The following REEP5 variants were observed in gnomAD, a reference collection of about 807,000 sequenced individuals.
REEP5 encodes receptor expression-enhancing protein 5.
In REEP5, 24 loss-of-function variants were observed where a neutral mutation model predicts 22.4. That is an observed-to-expected ratio of 1.07 (90% CI 0.78 to 1.51). The LOEUF (loss-of-function observed/expected upper bound fraction) is 1.51. Ranked by LOEUF, REEP5 falls within the 40% of genes most tolerant of loss-of-function variation. The pLI, the probability that REEP5 is intolerant of heterozygous loss-of-function variation, is 0.00. For missense variants in REEP5, 252 were observed against 233.0 expected (o/e 1.08, Z -0.53); for synonymous variants, 103 against 88.6 (o/e 1.16, Z -0.92).
intron 2 of REEP5, among the ~76,000 whole-genome samples, chr5:112,909,133 C>T (rs1769035038): frequency 6.6e-6 from 1 of 151,042 alleles, no homozygotes; most frequent in African/African-American, 2.4e-5. Flanking sequence ...TGCAGCATTT[C>T]ACCACCCTTA....
chr5:112,899,768 G>A (rs975740123), intron 3 of REEP5, among the ~76,000 whole-genome samples: 2 of 152,140 alleles, frequency 1.3e-5, no homozygotes, highest in Non-Finnish European at 2.9e-5. Flanking sequence ...TATACCACTA[G>A]GCTGTTAAGT....
At chr5:112,902,768 C>A (rs1447649278) in intron 2 of REEP5, among the ~76,000 whole-genome samples, 1 of 152,180 alleles carries the variant, frequency 6.6e-6, no homozygotes, top group Non-Finnish European at 1.5e-5. Flanking sequence ...TGCCCTGGAT[C>A]TCCACCCTGC....
chr5:112,892,839 C>CGA, intron 3 of REEP5: 2 of 1,613,050 alleles, frequency 1.2e-6, no homozygotes, highest in East Asian at 4.5e-5. Flanking sequence ...ATGGGGAATC[C>CGA]GAGAGAAAAA....
At chr5:112,918,653 C>G (rs1021278701) in intron 2 of REEP5, among the ~76,000 whole-genome samples, 1 of 152,332 alleles carries the variant, frequency 6.6e-6, no homozygotes, top group Admixed American at 6.5e-5. Flanking sequence ...ATGTCACCCC[C>G]TATTTAAAAC....
At chr5:112,920,613 T>C (rs1769334123) in intron 2 of REEP5, among the ~76,000 whole-genome samples, 1 of 152,236 alleles carries the variant, frequency 6.6e-6, no homozygotes, top group Non-Finnish European at 1.5e-5. Flanking sequence ...AGCTATATCA[T>C]GGAGCATTTT....
chr5:112,922,140 G>T lies in REEP5; in HGVS notation c.51C>A (p.Asn17Lys). 1 of 1,607,556 alleles carries T rather than the reference G, an allele frequency of 6.2e-7. No homozygotes were observed. The highest frequency in any genetic ancestry group is 1.1e-5 in the South Asian group (1 of 90,134). ...ERFDRFLHEK[N>K]CMTDLLAKLE... ...GCTTGGCCAGAAGGTCAGTCATGCAGTTCTTCTCGTGCAGGAACCGGTCGA... is the reference window on the plus strand; with the variant it reads ...GCTTGGCCAGAAGGTCAGTCATGCATTTCTTCTCGTGCAGGAACCGGTCGA... The change falls in exon 1 of 5, where the codon AAC becomes AAA. Residue 17 changes from asparagine to lysine, a missense_variant. Transcript: ENST00000379638.
At position 112,878,727 on chromosome 5, in the gene REEP5, T is replaced by C; in HGVS notation, c.*59A>G. 6.2e-7 allele frequency: 1 copy of C among 1,601,816 alleles called. No homozygotes were observed. The highest frequency in any genetic ancestry group is 8.5e-7 in the Non-Finnish European group (1 of 1,175,458). On this transcript the variant is annotated 3_prime_UTR_variant, in exon 5 of 5. Coordinates refer to ENST00000379638, the MANE Select transcript of REEP5 (RefSeq NM_005669.5). Reference sequence around the variant, plus strand: ...AATAATTATACCACAGTCCCTAATATAACATCAAGCTCCAGTAGGAAGGTA... The same window carrying C: ...AATAATTATACCACAGTCCCTAATACAACATCAAGCTCCAGTAGGAAGGTA...
chr5:112,887,089 T>C lies in REEP5; in HGVS notation c.446A>G (p.Glu149Gly), dbSNP rs1768274702. The C allele has an allele frequency of 6.2e-7, 1 of 1,613,800 alleles. No individual in the cohort carries two copies. ...CTTGACCACACTGTCCATCTGGGACTCGTGCTTCAGGAAGAAAGGACGGAT... is the reference window on the plus strand; with the variant it reads ...CTTGACCACACTGTCCATCTGGGACCCGTGCTTCAGGAAGAAAGGACGGAT... ...RIIRPFFLKH[E>G]SQMDSVVKDL... The change falls in exon 4 of 5, where the codon GAG (glutamate) becomes GGG (glycine). Residue 149 changes from glutamate (E) to glycine (G), a missense_variant. Glu to Gly is a moderately conservative substitution (Grantham distance 98, BLOSUM62 -2). Transcript: ENST00000379638.
At chr5:112,909,608 CAGG>C (rs1769045743) in intron 2 of REEP5, among the ~76,000 whole-genome samples, 2 of 152,106 alleles carry the variant, frequency 1.3e-5, no homozygotes, top group Non-Finnish European at 2.9e-5. Context: ...AAACATTTTT[CAGG>C]CCCACTCTGC....
At chr5:112,891,706 A>C in intron 3 of REEP5, 1 of 1,614,096 alleles carries the variant, frequency 6.2e-7, no homozygotes, top group Non-Finnish European at 8.5e-7. Flanking sequence ...AAGCCACAAA[A>C]AGTACAGGGC....
intron 4 of REEP5, 75 bp from the exon 5 acceptor site, chr5:112,878,910 C>T (rs1767980254): frequency 6.2e-7 from 1 of 1,606,226 alleles, no homozygotes; most frequent in Non-Finnish European, 8.5e-7. Flanking sequence ...AAGCTTTGTG[C>T]CTAATGTAGC....
chr5:112,888,346 T>G (rs1768325121), intron 3 of REEP5, among the ~76,000 whole-genome samples: 1 of 152,230 alleles, frequency 6.6e-6, no homozygotes, highest in Non-Finnish European at 1.5e-5. Flanking sequence ...CAGCACCATG[T>G]TGGCTCTGAG....
At chr5:112,893,436 A>G (rs972998169) in intron 3 of REEP5, 58 of 178,542 alleles carry the variant, frequency 3.2e-4, no homozygotes, top group African/African-American at 1.3e-3. Context: ...GGACTAGTGG[A>G]ACTACACAGC....
chr5:112,884,746 T>C (rs1187538928), intron 4 of REEP5, among the ~76,000 whole-genome samples: 1 of 150,100 alleles, frequency 6.7e-6, no homozygotes, highest in Non-Finnish European at 1.5e-5. Flanking sequence ...TAAACGTCTC[T>C]ATTTAAAATC....
chr5:112,881,522 C>T (rs1768073667), intron 4 of REEP5, among the ~76,000 whole-genome samples: 1 of 152,182 alleles, frequency 6.6e-6, no homozygotes, highest in African/African-American at 2.4e-5. Flanking sequence ...TTAGAGAAAG[C>T]TGGCTGTGCC....
chr5:112,907,996 A>C (rs1768993003), intron 2 of REEP5, among the ~76,000 whole-genome samples: 1 of 152,122 alleles, frequency 6.6e-6, no homozygotes, highest in African/African-American at 2.4e-5. Flanking sequence ...AATTTTACTT[A>C]AGGTCTTTCC....
chr5:112,901,431 G>A (rs1561655286), intron 3 of REEP5, among the ~76,000 whole-genome samples: 2 of 152,000 alleles, frequency 1.3e-5, no homozygotes, highest in African/African-American at 2.4e-5. Flanking sequence ...GATTGAGTCC[G>A]GGCACGGTGG....
In REEP5 at chr5:112,921,163, G is replaced by A; in HGVS notation, c.212C>T (p.Ser71Leu). ...LIGFGYPAYI[S>L]IKAIESPNKE... ...GACGGCTGCAGGGTGTGTCACTTAC[G>A]AGATGTAGGCTGGGTAGCCAAATCC... Residue 71 changes from serine (S) to leucine (L), a missense_variant and splice_region_variant, in exon 2 of 5, where the codon TCA becomes TTA. Coordinates refer to ENST00000379638, the MANE Select transcript of REEP5 (RefSeq NM_005669.5). 1 of 1,614,050 alleles carries A rather than the reference G, an allele frequency of 6.2e-7. No individual in the cohort carries two copies. Among genetic ancestry groups the A allele is most frequent in the Non-Finnish European group, 8.5e-7 (1 of 1,179,962 alleles).
rs1187093899 is a variant in REEP5, at chr5:112,878,009, G to A, written c.*777C>T. 1 of 136,720 alleles carries A rather than the reference G, an allele frequency of 7.3e-6. No individual in the cohort carries two copies. Among genetic ancestry groups the A allele is most frequent in the African/African-American group, 2.7e-5 (1 of 36,420 alleles). The allele number at this position is 136,720 out of a possible 1,614,324, so 8.5% of individuals were successfully genotyped here. On this transcript the variant is annotated 3_prime_UTR_variant, in exon 5 of 5. Transcript: ENST00000379638. ...TGTGTGTGTGTGTGTGTGTGTGTGT[G>A]TGTGTGTGTGTGTAAATTTCCCGAT...
Sources: gnomAD v4.1 joint callset for allele counts (sites outside exome capture counted in the v4.1 genomes callset) on GRCh38, gnomAD v4.1.1 for gene constraint, MANE v1.5 for transcripts, NCBI Gene and HGNC (gene_info 2026-07-23, HGNC 2026-07-21) for gene names.